The following NEDD4L variants were observed in gnomAD, a reference collection of about 807,000 sequenced individuals.
NEDD4L encodes the protein E3 ubiquitin-protein ligase NEDD4-like.
NEDD4L carries 54 observed loss-of-function variants against 148.9 expected under a neutral mutation model. The observed-to-expected ratio is 0.36, with a 90% confidence interval of 0.29 to 0.45. The LOEUF (loss-of-function observed/expected upper bound fraction) is 0.45, where lower values mean the gene tolerates loss of function less well. Among genes scored for constraint, NEDD4L ranks in the 20% least tolerant of loss-of-function variants. The pLI, the probability that NEDD4L is intolerant of heterozygous loss-of-function variation, is 1.00. For missense variants in NEDD4L, 856 were observed against 1,233.8 expected (o/e 0.69, Z 4.59); for synonymous variants, 433 against 440.7 (o/e 0.98, Z 0.22).
chr18:58,205,944 A>G (rs989419572), intron 2 of NEDD4L, among the ~76,000 whole-genome samples: 1 of 152,086 alleles, frequency 6.6e-6, no homozygotes, highest in African/African-American at 2.4e-5. Flanking sequence ...CCTTCTGCAT[A>G]TGTCTGGACT....
chr18:58,179,119 A>G (rs903429227), intron 2 of NEDD4L, among the ~76,000 whole-genome samples: 1 of 152,226 alleles, frequency 6.6e-6, no homozygotes, highest in Non-Finnish European at 1.5e-5. Flanking sequence ...AACATTATTT[A>G]GCAAATCTGG....
At chr18:58,139,517 T>A (rs2033251668) in intron 1 of NEDD4L, among the ~76,000 whole-genome samples, 1 of 152,062 alleles carries the variant, frequency 6.6e-6, no homozygotes, top group Admixed American at 6.6e-5. Flanking sequence ...AAAAATATAT[T>A]TAAAATAATG....
intron 16 of NEDD4L, among the ~76,000 whole-genome samples, chr18:58,344,921 T>C (rs1275113127): frequency 1.3e-5 from 2 of 152,216 alleles, no homozygotes; most frequent in Non-Finnish European, 2.9e-5. Context: ...TTAGTAATTT[T>C]AACTAGCTTG....
At chr18:58,280,710 T>C (rs2052929265) in intron 5 of NEDD4L, among the ~76,000 whole-genome samples, 3 of 152,146 alleles carry the variant, frequency 2.0e-5, no homozygotes, top group Admixed American at 2.0e-4. Context: ...CTGAGAAATA[T>C]TATTTTAAAA....
chr18:58,166,752 A>G (rs1272212366), intron 2 of NEDD4L, among the ~76,000 whole-genome samples: 3 of 152,158 alleles, frequency 2.0e-5, no homozygotes, highest in Non-Finnish European at 4.4e-5. Context: ...AGGTTTAACA[A>G]TGAAGGCAGG....
intron 2 of NEDD4L, among the ~76,000 whole-genome samples, chr18:58,244,787 T>C (rs2047055786): frequency 1.3e-5 from 2 of 152,032 alleles, no homozygotes; most frequent in East Asian, 1.9e-4. Flanking sequence ...CCTCTGTCTC[T>C]CAGGTTCAAG....
chr18:58,307,119 A>G (rs533988070), intron 5 of NEDD4L, among the ~76,000 whole-genome samples: 1 of 152,306 alleles, frequency 6.6e-6, no homozygotes, highest in East Asian at 1.9e-4. Flanking sequence ...GGAGGAAAGG[A>G]TCTGAGACAG....
chr18:58,241,665 C>T (rs2046654301), intron 2 of NEDD4L, among the ~76,000 whole-genome samples: 2 of 151,950 alleles, frequency 1.3e-5, no homozygotes, highest in Non-Finnish European at 2.9e-5. Flanking sequence ...GTGCTTGGCA[C>T]ACTCTGTCAC....
chr18:58,314,110 T>G (rs1355721260), intron 5 of NEDD4L, among the ~76,000 whole-genome samples: 2 of 152,134 alleles, frequency 1.3e-5, no homozygotes, highest in African/African-American at 4.8e-5. Context: ...ATATTTATAT[T>G]AGCTTTAAAA....
intron 5 of NEDD4L, among the ~76,000 whole-genome samples, chr18:58,303,217 C>T (rs2056705266): frequency 6.6e-6 from 1 of 152,178 alleles, no homozygotes; most frequent in African/African-American, 2.4e-5. Context: ...TTTTCTCTCC[C>T]AGGTTGATCT....
chr18:58,228,749 C>T (rs1265837588), intron 2 of NEDD4L, among the ~76,000 whole-genome samples: 1 of 152,122 alleles, frequency 6.6e-6, no homozygotes, highest in African/African-American at 2.4e-5. Flanking sequence ...TGAGCCCCCT[C>T]CAAGGAAAGC....
intron 1 of NEDD4L, among the ~76,000 whole-genome samples, chr18:58,113,282 A>G (rs887256970): frequency 2.6e-5 from 4 of 152,254 alleles, no homozygotes; most frequent in Non-Finnish European, 4.4e-5. Flanking sequence ...GATTGGTGAC[A>G]GAGTAGACAA....
chr18:58,329,412 A>G (rs956678312), intron 10 of NEDD4L, among the ~76,000 whole-genome samples: 3 of 152,130 alleles, frequency 2.0e-5, no homozygotes, highest in Non-Finnish European at 4.4e-5. Context: ...GCTAGAGTGC[A>G]GTGGTGCAGT....
chr18:58,343,458 T>A (rs1182684924), intron 16 of NEDD4L, among the ~76,000 whole-genome samples: 2 of 152,258 alleles, frequency 1.3e-5, no homozygotes, highest in African/African-American at 4.8e-5. Flanking sequence ...CATTTTCAAA[T>A]AATTTTTTCT....
intron 18 of NEDD4L, among the ~76,000 whole-genome samples, chr18:58,356,848 T>A (rs185792298): frequency 6.6e-6 from 1 of 152,372 alleles, no homozygotes; most frequent in Admixed American, 6.5e-5. Flanking sequence ...TAAATGCTTT[T>A]TTTCAACTAA....
intron 5 of NEDD4L, among the ~76,000 whole-genome samples, chr18:58,254,377 T>C (rs1383584687): frequency 6.6e-6 from 1 of 152,180 alleles, no homozygotes; most frequent in Non-Finnish European, 1.5e-5. Context: ...TAACTACAAA[T>C]CTGATGACAG....
In NEDD4L at chr18:58,061,059, C is replaced by T. The variant is rs139524329; in HGVS notation, c.48+16351C>T. 3.8e-3 allele frequency among the ~76,000 whole-genome samples: 579 copies of T among 152,144 alleles called. 5 individuals are homozygous for T. The highest frequency in any genetic ancestry group is 0.013 in the African/African-American group (541 of 41,490). On this transcript the variant is annotated intron_variant, in intron 1 of 30. Coordinates refer to ENST00000400345, the MANE Select transcript of NEDD4L (RefSeq NM_001144967.3). ...ACAGGCGTGAGCCACTGTGCCCGGC[C>T]GCCTGGAGACATTTTTGATTGTCAC...
chr18:58,175,845 A>G (rs1244080440), intron 2 of NEDD4L, among the ~76,000 whole-genome samples: 1 of 152,250 alleles, frequency 6.6e-6, no homozygotes, highest in Non-Finnish European at 1.5e-5. Context: ...GTCTTTAAGT[A>G]TATGAATGCA....
intron 2 of NEDD4L, among the ~76,000 whole-genome samples, chr18:58,244,798 C>A (rs913616815): frequency 5.9e-5 from 9 of 152,086 alleles, no homozygotes; most frequent in African/African-American, 2.2e-4. Context: ...CAGGTTCAAG[C>A]GATTCTTCTG....
Sources: gnomAD v4.1 joint callset for allele counts (sites outside exome capture counted in the v4.1 genomes callset) on GRCh38, gnomAD v4.1.1 for gene constraint, MANE v1.5 for transcripts, NCBI Gene and HGNC (gene_info 2026-07-23, HGNC 2026-07-21) for gene names.